ATRN: variants seen among roughly 807,000 people sequenced by gnomAD.
ATRN encodes the protein attractin-2.
Under a neutral mutation model 178.7 loss-of-function variants are expected in ATRN, and 54 were observed. The ratio of observed to expected loss-of-function variants is 0.30; its 90% CI spans 0.24 to 0.38. The LOEUF (loss-of-function observed/expected upper bound fraction) is 0.38, where lower values mean the gene tolerates loss of function less well. Among genes scored for constraint, ATRN ranks in the 10% least tolerant of loss-of-function variants. ATRN has a pLI of 1.00. For missense variants in ATRN, 1,443 were observed against 1,815.1 expected (o/e 0.79, Z 3.73); for synonymous variants, 636 against 663.0 (o/e 0.96, Z 0.63).
intron 14 of ATRN, among the ~76,000 whole-genome samples, chr20:3,578,253 C>T (rs1716925305): frequency 1.3e-5 from 2 of 152,196 alleles, no homozygotes; most frequent in African/African-American, 4.8e-5. Context: ...GTCTGCTCTT[C>T]ACTTAGGATT....
At chr20:3,558,491 T>C (rs2085908072) in intron 6 of ATRN, among the ~76,000 whole-genome samples, 3 of 152,070 alleles carry the variant, frequency 2.0e-5, no homozygotes, top group Non-Finnish European at 4.4e-5. Flanking sequence ...AGGTAAACTT[T>C]TATAGAAAAG....
intron 19 of ATRN, chr20:3,592,501 A>T: frequency 1.0e-6 from 1 of 980,724 alleles, no homozygotes; most frequent in Non-Finnish European, 1.2e-6. Flanking sequence ...AACAAAAATT[A>T]TGACAAGTGA....
Position 3,644,192 on chromosome 20 carries a change from C to G in ATRN, c.4089C>G (p.Gly1363=). 6.2e-7 allele frequency: 1 copy of G among 1,614,200 alleles called. No homozygotes were observed. Residue 1363 remains glycine, a synonymous_variant, in exon 28 of 29, where the codon GGC becomes GGG. Transcript: ENST00000262919. ...CCATTGCACTGGAGCCGTGTTTTGG[C>G]AACAAAGCCGCTGTCCTCTCTGTGT... The part of the protein sequence containing the change: ...PKPIALEPCF[G]NKAAVLSVFV...
intron 6 of ATRN, 25 bp downstream of exon 6, chr20:3,549,363 A>C: frequency 6.7e-7 from 1 of 1,494,570 alleles, no homozygotes; most frequent in South Asian, 1.4e-5. Flanking sequence ...ACATTTTTGC[A>C]AGAAGCTTAG....
chr20:3,567,412 G>T (rs1448270314), intron 11 of ATRN, among the ~76,000 whole-genome samples: 1 of 152,162 alleles, frequency 6.6e-6, no homozygotes, highest in East Asian at 1.9e-4. Context: ...ACTCAGAGAA[G>T]TTGAGACTTT....
chr20:3,505,014 G>A (rs936483793), intron 1 of ATRN, among the ~76,000 whole-genome samples: 6 of 152,080 alleles, frequency 3.9e-5, no homozygotes, highest in Admixed American at 6.5e-5. Flanking sequence ...GCTGGAATCC[G>A]TGATGATTAA....
chr20:3,559,061 G>C (rs2085916826), intron 6 of ATRN, among the ~76,000 whole-genome samples: 1 of 152,094 alleles, frequency 6.6e-6, no homozygotes, highest in Non-Finnish European at 1.5e-5. Flanking sequence ...TAAAAGAAAA[G>C]TTATTGTAAT....
At chr20:3,486,483 C>T (rs1306577270) in intron 1 of ATRN, among the ~76,000 whole-genome samples, 1 of 152,124 alleles carries the variant, frequency 6.6e-6, no homozygotes, top group East Asian at 1.9e-4. Flanking sequence ...TCTTGACTCA[C>T]TGCAACCTCT....
intron 1 of ATRN, among the ~76,000 whole-genome samples, chr20:3,531,535 G>A (rs2085453091): frequency 6.6e-6 from 1 of 152,140 alleles, no homozygotes; most frequent in African/African-American, 2.4e-5. Context: ...ACCTCCATAG[G>A]TGGGATACTA....
At chr20:3,526,934 A>G (rs912536633) in intron 1 of ATRN, among the ~76,000 whole-genome samples, 1 of 152,192 alleles carries the variant, frequency 6.6e-6, no homozygotes, top group African/African-American at 2.4e-5. Flanking sequence ...TTAATTGAAG[A>G]TGGATTAAAG....
intron 23 of ATRN, among the ~76,000 whole-genome samples, chr20:3,603,167 C>T (rs1249272744): frequency 2.0e-5 from 3 of 151,818 alleles, no homozygotes; most frequent in African/African-American, 4.8e-5. Flanking sequence ...GGAGTTATAC[C>T]AGATTAGGGG....
chr20:3,545,633 G>A, intron 3 of ATRN, 129 bp from the exon 4 acceptor site: 1 of 1,173,824 alleles, frequency 8.5e-7, no homozygotes. Context: ...GTTTATCACA[G>A]GAATTTGCCT....
At chr20:3,478,548 TA>T (rs1429102013) in intron 1 of ATRN, among the ~76,000 whole-genome samples, 5 of 151,844 alleles carry the variant, frequency 3.3e-5, no homozygotes, top group African/African-American at 1.2e-4. Context: ...GGTAGGGGGA[TA>T]GGGGAGGGAT....
chr20:3,585,073 G>A (rs1427830031), intron 18 of ATRN, among the ~76,000 whole-genome samples, 193 bp downstream of exon 18: 1 of 152,200 alleles, frequency 6.6e-6, no homozygotes, highest in East Asian at 1.9e-4. Context: ...GTGGTGGTGG[G>A]TTCCTAAGAA....
At chr20:3,637,751 G>A (rs1194331634) in intron 26 of ATRN, among the ~76,000 whole-genome samples, 3 of 152,188 alleles carry the variant, frequency 2.0e-5, no homozygotes, top group Non-Finnish European at 2.9e-5. Flanking sequence ...TTCAGAGGGA[G>A]GACACGGATG....
intron 27 of ATRN, among the ~76,000 whole-genome samples, chr20:3,642,519 A>G (rs192715321): frequency 3.7e-4 from 56 of 152,266 alleles, no homozygotes; most frequent in African/African-American, 1.3e-3. Flanking sequence ...GTATTCAAAA[A>G]TGTTTCCCAG....
rs534811517 is a variant in ATRN at position 3,626,102 on chromosome 20, C to T, written c.3863+1530C>T. Among the ~76,000 whole-genome samples the T allele has an allele frequency of 5.9e-5, 9 of 152,160 alleles. No homozygotes were observed. The East Asian group carries it at 1.4e-3, about 23-fold the overall frequency. On this transcript the variant is annotated intron_variant, in intron 25 of 28. Transcript: ENST00000262919. Reference sequence around the variant, plus strand: ...CAAAAATTAGCTGGGTGAGGTGGCGCAAGCCTGTAGTCCCAGCTAATCAGG... The same window carrying T: ...CAAAAATTAGCTGGGTGAGGTGGCGTAAGCCTGTAGTCCCAGCTAATCAGG...
chr20:3,550,053 C>T lies in ATRN; in HGVS notation c.1112+715C>T, dbSNP rs374584471. 5.3e-5 allele frequency among the ~76,000 whole-genome samples: 8 copies of T among 152,216 alleles called. No homozygotes were observed. In the East Asian group the frequency reaches 9.6e-4, roughly 18 times the overall value. On this transcript the variant is annotated intron_variant, in intron 6 of 28. Transcript: ENST00000262919. ...TATAATAAAACTTGGTCAGGCTAGG[C>T]GCAGTGGCTCACGCCTATAACCCCA...
chr20:3,480,731 G>A (rs2084607699), intron 1 of ATRN, among the ~76,000 whole-genome samples: 1 of 152,212 alleles, frequency 6.6e-6, no homozygotes, highest in South Asian at 2.1e-4. Context: ...CCGCAGTATA[G>A]AGGACAGGTA....
Sources: gnomAD v4.1 joint callset for allele counts (sites outside exome capture counted in the v4.1 genomes callset) on GRCh38, gnomAD v4.1.1 for gene constraint, MANE v1.5 for transcripts, NCBI Gene and HGNC (gene_info 2026-07-23, HGNC 2026-07-21) for gene names.